DYNC2H1: variants seen among roughly 807,000 people sequenced by gnomAD.
The protein encoded by DYNC2H1 is cytoplasmic dynein 2 heavy chain 1.
A neutral mutation model predicts 570.0 loss-of-function variants in DYNC2H1; 410 were observed. The ratio of observed to expected loss-of-function variants is 0.72; its 90% CI spans 0.66 to 0.78. The LOEUF is 0.78. DYNC2H1 is among the 30% of genes least tolerant of loss of function. The pLI is 0.00. For missense variants in DYNC2H1, 4,865 were observed against 5,046.4 expected (o/e 0.96, Z 1.09); for synonymous variants, 1,688 against 1,677.6 (o/e 1.01, Z -0.15).
intron 88 of DYNC2H1, among the ~76,000 whole-genome samples, chr11:103,478,112 C>A (rs1945622178): frequency 6.6e-6 from 1 of 152,068 alleles, no homozygotes; most frequent in Non-Finnish European, 1.5e-5. Context: ...GTAGCGATTG[C>A]ATTGCATTAA....
rs755943603 is a variant in DYNC2H1 at position 103,185,089 on chromosome 11, T to TA, written c.6633+40dup. ...TATAGCCTATATTTAGTCAAAACTT[T>TA]AACTTTTCATTAACTCTTAACTGCC... is the stretch of plus-strand genomic sequence containing the variant. On this transcript the variant is annotated intron_variant, in intron 41 of 88. Transcript: ENST00000375735. The surrounding 1 kb of genome is among the most constrained non-coding windows in gnomAD (Gnocchi z 4.5). The TA allele has an allele frequency of 1.9e-6, 3 of 1,574,586 alleles. No homozygotes were observed. The highest frequency in any genetic ancestry group is 2.3e-5 in the South Asian group (2 of 85,640).
rs1021337539 is a variant in DYNC2H1 at position 103,468,513 on chromosome 11, T to G, written c.12649-76T>G. ...GTGAACACAATGGAAAGCATAGCTCTTAAGGTAGAATAGAGTAACCTCTGA... is the reference window on the plus strand; with the variant it reads ...GTGAACACAATGGAAAGCATAGCTCGTAAGGTAGAATAGAGTAACCTCTGA... On this transcript the variant is annotated intron_variant, in intron 87 of 88. Transcript: ENST00000375735. 6 of 967,206 alleles carry G rather than the reference T, an allele frequency of 6.2e-6. No homozygotes were observed. In the African/African-American group the frequency reaches 8.1e-5, roughly 13 times the overall value. The allele number at this position is 967,206 out of a possible 1,614,324, so 59.9% of individuals were successfully genotyped here. A position where few individuals can be genotyped will look rare whatever the true frequency, so the allele number is the denominator to read the frequency against.
At chr11:103,386,932 G>A (rs1941907466) in intron 83 of DYNC2H1, among the ~76,000 whole-genome samples, 1 of 151,646 alleles carries the variant, frequency 6.6e-6, no homozygotes, top group South Asian at 2.1e-4. Flanking sequence ...CCAAGTCTTT[G>A]CTATTGTGAA....
chr11:103,200,617 G>A (rs1421601791), intron 50 of DYNC2H1, among the ~76,000 whole-genome samples: 1 of 152,072 alleles, frequency 6.6e-6, no homozygotes, highest in African/African-American at 2.4e-5. Context: ...TGGCATGGTT[G>A]TATAACTATA....
At chr11:103,150,956 A>G (rs1413993176) in intron 20 of DYNC2H1, among the ~76,000 whole-genome samples, 4 of 152,100 alleles carry the variant, frequency 2.6e-5, no homozygotes, top group Admixed American at 6.5e-5. Context: ...GGACCTTAGA[A>G]TCTCATATTC....
At chr11:103,138,366 G>T (rs1271319274) in intron 17 of DYNC2H1, among the ~76,000 whole-genome samples, 2 of 152,076 alleles carry the variant, frequency 1.3e-5, no homozygotes, top group South Asian at 2.1e-4. Context: ...CTGTGGGTTT[G>T]TCATAGATAG....
intron 15 of DYNC2H1, among the ~76,000 whole-genome samples, chr11:103,134,852 T>C (rs922513643): frequency 6.6e-6 from 1 of 152,134 alleles, no homozygotes; most frequent in Non-Finnish European, 1.5e-5. Flanking sequence ...ATATAATAGT[T>C]GATGCATATA....
At position 103,139,361 on chromosome 11, in the gene DYNC2H1, A is replaced by G. The variant is rs1458338209; in HGVS notation, c.2574+3413A>G. On this transcript the variant is annotated intron_variant, in intron 17 of 88. Transcript: ENST00000375735. ...CTCTTGTGGGCATTTAGTGCTATAA[A>G]TTTCCCTGTACACACTGCTTTGAAT... Among the ~76,000 whole-genome samples the G allele has an allele frequency of 1.1e-3, 165 of 150,726 alleles. No homozygotes were observed. The East Asian group carries it at 0.027, about 25-fold the overall frequency.
At chr11:103,183,652 G>A (rs1248189683) in intron 40 of DYNC2H1, among the ~76,000 whole-genome samples, 1 of 151,692 alleles carries the variant, frequency 6.6e-6, no homozygotes, top group South Asian at 2.1e-4. Flanking sequence ...CAGCCTATGG[G>A]ATAAATCTTT....
In DYNC2H1 at chr11:103,477,708, G is replaced by T. The variant is rs572381512; in HGVS notation, c.12766-1387G>T. The stretch of plus-strand genomic sequence containing the variant: ...TGCCCAGGCGTGGTGGCAGGTGCCT[G>T]TAGTCCCAGCTACTTGGGAGGCTGA... On this transcript the variant is annotated intron_variant, in intron 88 of 88. Transcript: ENST00000375735. 2.6e-5 allele frequency among the ~76,000 whole-genome samples: 4 copies of T among 151,978 alleles called. No individual in the cohort carries two copies. In the South Asian group the frequency reaches 8.3e-4, roughly 32 times the overall value.
chr11:103,270,722 A>T (rs1319722), intron 70 of DYNC2H1, among the ~76,000 whole-genome samples: 13,461 of 152,120 alleles, frequency 0.088, 786 homozygotes, highest in Non-Finnish European at 0.12. Flanking sequence ...GGACAAAGGG[A>T]CAATTGATGA....
chr11:103,128,169 A>G (rs1369077526), intron 12 of DYNC2H1, among the ~76,000 whole-genome samples: 2 of 152,234 alleles, frequency 1.3e-5, no homozygotes, highest in Non-Finnish European at 2.9e-5. Flanking sequence ...TTGGGAGACA[A>G]TTTGAAAGTT....
intron 84 of DYNC2H1, among the ~76,000 whole-genome samples, chr11:103,426,278 G>A (rs745792269): frequency 1.3e-5 from 2 of 152,048 alleles, no homozygotes; most frequent in East Asian, 1.9e-4. Context: ...AACTCTGTTC[G>A]AGGCTCTCAG....
chr11:103,189,477 A>T lies in DYNC2H1; in HGVS notation c.7293-195A>T, dbSNP rs1330835324. Among the ~76,000 whole-genome samples, 1 of 152,104 alleles carries T rather than the reference A, an allele frequency of 6.6e-6. No individual in the cohort carries two copies. Among genetic ancestry groups the T allele is most frequent in the East Asian group, 1.9e-4 (1 of 5,190 alleles). On this transcript the variant is annotated intron_variant, in intron 44 of 88. Transcript: ENST00000375735. The surrounding 1 kb of genome is among the most constrained non-coding windows in gnomAD (Gnocchi z 4.3). The stretch of plus-strand genomic sequence containing the variant: ...CACCTTCTGGTATTTGACAATAGAT[A>T]TTTCGGGATCGAATTTGGTTGAAAT...
Position 103,288,684 on chromosome 11 carries a change from T to TAAAAAAAAAAA in DYNC2H1, c.11095+1095_11095+1105dup, listed in dbSNP as rs57040929. On this transcript the variant is annotated intron_variant, in intron 75 of 88. Transcript: ENST00000375735. ...CTACATGGTGAAACCCCGTCTCTAC[T>TAAAAAAAAAAA]AAAAAAAAAAAAAAAAAAAAAAAAA... Among the ~76,000 whole-genome samples the TAAAAAAAAAAA allele has an allele frequency of 2.4e-3, 68 of 27,856 alleles. 1 individual carries two copies. Among genetic ancestry groups the TAAAAAAAAAAA allele is most frequent in the Admixed American group, 3.9e-3 (6 of 1,552 alleles). The allele number at this position is 27,856 out of a possible 152,430, so 18.3% of individuals were successfully genotyped here.
At chr11:103,125,039 T>C in intron 11 of DYNC2H1, 61 bp from the exon 12 acceptor site, 1 of 1,315,736 alleles carries the variant, frequency 7.6e-7, no homozygotes, top group Non-Finnish European at 1.1e-6. Context: ...AAACCTATTG[T>C]GTTTATTAGT....
chr11:103,204,483 TA>T lies in DYNC2H1; in HGVS notation c.8312-333del, dbSNP rs1282413773. 1.3e-5 allele frequency among the ~76,000 whole-genome samples: 2 copies of T among 152,280 alleles called. No homozygotes were observed. The highest frequency in any genetic ancestry group is 2.1e-4 in the South Asian group (1 of 4,826). On this transcript the variant is annotated intron_variant, in intron 51 of 88. Coordinates refer to ENST00000375735, the MANE Select transcript of DYNC2H1 (RefSeq NM_001377.3). This position sits in a 1 kb window ranked among gnomAD's most constrained non-coding sequence, Gnocchi z 4.1. ...TAGATTGTGCCAGACTTCATAGTTTTAAAAAACTAGCCTTTTATTCTTATAG... is the reference window on the plus strand; with the variant it reads ...TAGATTGTGCCAGACTTCATAGTTTTAAAAACTAGCCTTTTATTCTTATAG...
At chr11:103,131,735 A>G (rs1482141489) in intron 13 of DYNC2H1, among the ~76,000 whole-genome samples, 1 of 151,672 alleles carries the variant, frequency 6.6e-6, no homozygotes, top group East Asian at 1.9e-4. Flanking sequence ...TTTTTTTAGC[A>G]CTTTAAACAT....
At position 103,148,636 on chromosome 11, in the gene DYNC2H1, A is replaced by G; in HGVS notation, c.2946+19A>G. The G allele has an allele frequency of 6.5e-7, 1 of 1,543,120 alleles. No homozygotes were observed. Among genetic ancestry groups the G allele is most frequent in the Non-Finnish European group, 8.7e-7 (1 of 1,145,644 alleles). On this transcript the variant is annotated intron_variant, in intron 20 of 88. Coordinates refer to ENST00000375735, the MANE Select transcript of DYNC2H1 (RefSeq NM_001377.3). ...GCCAGAGGTGAGAATCACAAAGTAA[A>G]ATTATTATTATTACTTTTTACTGCA...
Sources: gnomAD v4.1 joint callset for allele counts (sites outside exome capture counted in the v4.1 genomes callset) on GRCh38, gnomAD v4.1.1 for gene constraint, Gnocchi (gnomAD v3.1) non-coding constraint, MANE v1.5 for transcripts, NCBI Gene and HGNC (gene_info 2026-07-23, HGNC 2026-07-21) for gene names.